Variants in ACAD11 observed in about 807,000 individuals in gnomAD.
ACAD11 encodes acyl-Coenzyme A dehydrogenase family, member 11.
ACAD11 carries 83 observed loss-of-function variants against 102.2 expected under a neutral mutation model. That is an observed-to-expected ratio of 0.81 (90% CI 0.68 to 0.97). The LOEUF (loss-of-function observed/expected upper bound fraction) is 0.97, where lower values mean the gene tolerates loss of function less well. Among genes scored for constraint, ACAD11 ranks in the 50% least tolerant of loss-of-function variants. The probability of loss-of-function intolerance (pLI) is 0.00; values close to 1 mark genes in which losing one functional copy is unlikely to be tolerated. For missense variants in ACAD11, 901 were observed against 951.7 expected (o/e 0.95, Z 0.70); for synonymous variants, 324 against 319.8 (o/e 1.01, Z -0.14).
intron 7 of ACAD11, among the ~76,000 whole-genome samples, chr3:132,629,735 T>C (rs2107863525): frequency 6.6e-6 from 1 of 152,278 alleles, no homozygotes; most frequent in South Asian, 2.1e-4. Context: ...TCCCATTATT[T>C]TTCACTTCTA....
At chr3:132,639,449 A>C in intron 5 of ACAD11, 43 bp downstream of exon 5, 1 of 1,583,558 alleles carries the variant, frequency 6.3e-7, no homozygotes, top group Non-Finnish European at 8.6e-7. Flanking sequence ...ACTGTGTCAC[A>C]AAACAGACCT....
intron 17 of ACAD11, among the ~76,000 whole-genome samples, chr3:132,571,161 G>T (rs1937364102): frequency 6.6e-6 from 1 of 151,950 alleles, no homozygotes. Context: ...CACCAGCCCA[G>T]CATCTGTTAT....
At chr3:132,600,546 T>C (rs773115352) in intron 13 of ACAD11, 6 of 1,613,974 alleles carry the variant, frequency 3.7e-6, no homozygotes, top group Non-Finnish European at 5.1e-6. Flanking sequence ...TTCCTCACAA[T>C]AGTTTTCGTC....
intron 15 of ACAD11, 31 bp from the exon 16 acceptor site, chr3:132,577,046 A>C: frequency 7.3e-7 from 1 of 1,361,236 alleles, no homozygotes; most frequent in Non-Finnish European, 1.0e-6. Context: ...TTTAGAGCAA[A>C]AGGAGTTGAC....
intron 12 of ACAD11, 32 bp downstream of exon 12, chr3:132,605,066 T>G (rs1428519007): frequency 1.3e-6 from 2 of 1,520,628 alleles, no homozygotes; most frequent in Non-Finnish European, 1.8e-6. Flanking sequence ...GACGACTGAC[T>G]ACACAAGGAG....
chr3:132,586,763 AT>A, intron 13 of ACAD11, among the ~76,000 whole-genome samples: 1 of 152,356 alleles, frequency 6.6e-6, no homozygotes, highest in African/African-American at 2.4e-5. Context: ...AAAAAATGTA[AT>A]GTTTTTCAAG....
rs1357712291 is a variant in ACAD11, at chr3:132,579,373, C to T, written c.1688+119G>A. 6.1e-6 allele frequency: 5 copies of T among 822,414 alleles called. No individual in the cohort carries two copies. The Admixed American group carries it at 8.0e-5, about 13-fold the overall frequency. The allele number at this position is 822,414 out of a possible 1,614,324, so 50.9% of individuals were successfully genotyped here. A position where few individuals can be genotyped will look rare whatever the true frequency, so the allele number is the denominator to read the frequency against. On this transcript the variant is annotated intron_variant, in intron 14 of 19. Transcript: ENST00000264990. ...GTGAAATACAAATATATGACATTTACTCTCATATCTTACATTATGATTTGT... is the reference window on the plus strand; with the variant it reads ...GTGAAATACAAATATATGACATTTATTCTCATATCTTACATTATGATTTGT...
intron 13 of ACAD11, chr3:132,600,954 C>T (rs1191072918): frequency 1.2e-6 from 2 of 1,611,988 alleles, no homozygotes; most frequent in South Asian, 2.2e-5. Context: ...AGGTGCATTC[C>T]CATTTTCCCC....
chr3:132,612,256 T>C (rs1342448659), intron 11 of ACAD11, among the ~76,000 whole-genome samples: 1 of 151,954 alleles, frequency 6.6e-6, no homozygotes, highest in African/African-American at 2.4e-5. Flanking sequence ...ATGTTAGACC[T>C]AAAACCATAA....
chr3:132,600,299 C>A, intron 13 of ACAD11: 2 of 1,136,458 alleles, frequency 1.8e-6, no homozygotes, highest in Non-Finnish European at 2.5e-6. Flanking sequence ...AGGCTATACT[C>A]TAGGGAAAGA....
At chr3:132,620,051 T>C (rs151281426) in intron 9 of ACAD11, among the ~76,000 whole-genome samples, 1 of 152,260 alleles carries the variant, frequency 6.6e-6, no homozygotes, top group East Asian at 1.9e-4. Context: ...GAGTCAGACA[T>C]AGTCAAATGC....
At chr3:132,639,387 A>T in intron 5 of ACAD11, 105 bp downstream of exon 5, 1 of 1,077,700 alleles carries the variant, frequency 9.3e-7, no homozygotes, top group African/African-American at 1.6e-5. Flanking sequence ...CTGTAGGGGA[A>T]CAGGGAGTGG....
intron 3 of ACAD11, among the ~76,000 whole-genome samples, 190 bp from the exon 4 acceptor site, chr3:132,642,323 AAC>A (rs201726987): frequency 1.6e-3 from 247 of 152,362 alleles, no homozygotes; most frequent in African/African-American, 5.3e-3. Flanking sequence ...AAAAATTTAA[AAC>A]ACATTTTGAA....
At chr3:132,580,465 A>T (rs1424808830) in intron 13 of ACAD11, among the ~76,000 whole-genome samples, 1 of 152,026 alleles carries the variant, frequency 6.6e-6, no homozygotes, top group East Asian at 1.9e-4. Context: ...AGAGATAGAG[A>T]AGTAGCTTGT....
At chr3:132,626,144 T>C (rs956217428) in intron 9 of ACAD11, among the ~76,000 whole-genome samples, 2 of 152,232 alleles carry the variant, frequency 1.3e-5, no homozygotes, top group Non-Finnish European at 2.9e-5. Context: ...TTACATTCTG[T>C]AGCTTTCCAG....
At chr3:132,622,378 T>C (rs957255832) in intron 9 of ACAD11, among the ~76,000 whole-genome samples, 1 of 152,202 alleles carries the variant, frequency 6.6e-6, no homozygotes, top group Non-Finnish European at 1.5e-5. Context: ...ATTTCCTGTT[T>C]GGGGTTGTTT....
chr3:132,641,629 G>GGAAGAA (rs1421115616), intron 4 of ACAD11, among the ~76,000 whole-genome samples: 36 of 132,094 alleles, frequency 2.7e-4, no homozygotes, highest in East Asian at 1.7e-3. Context: ...AGGAAGAAGA[G>GGAAGAA]GAGGAAGAAG....
intron 1 of ACAD11, among the ~76,000 whole-genome samples, chr3:132,656,551 T>C: frequency 6.6e-6 from 1 of 151,700 alleles, no homozygotes; most frequent in South Asian, 2.1e-4. Flanking sequence ...TGGAGTGCAG[T>C]GCTGTGATCT....
intron 12 of ACAD11, among the ~76,000 whole-genome samples, chr3:132,603,977 A>G (rs1938728575): frequency 6.6e-6 from 1 of 151,736 alleles, no homozygotes; most frequent in African/African-American, 2.4e-5. Context: ...CTTAAGACTT[A>G]TTTTTTTTCT....
Sources: allele counts gnomAD v4.1 joint callset (sites outside exome capture counted in the v4.1 genomes callset), GRCh38; gene constraint gnomAD v4.1.1; transcripts MANE v1.5; gene names NCBI Gene and HGNC (gene_info 2026-07-23, HGNC 2026-07-21).